The following NELL1 variants were observed in gnomAD, a reference collection of about 807,000 sequenced individuals.
The protein encoded by NELL1 is protein kinase C-binding protein NELL1.
Under a neutral mutation model 107.4 loss-of-function variants are expected in NELL1, and 76 were observed. The ratio of observed to expected loss-of-function variants is 0.71; its 90% CI spans 0.59 to 0.86. The LOEUF (loss-of-function observed/expected upper bound fraction) is 0.86. Ranked by LOEUF, NELL1 falls within the 40% of genes least tolerant of loss-of-function variation. The pLI is 0.00. For synonymous variants in NELL1, 353 were observed against 341.2 expected, an observed-to-expected ratio of 1.03 and a Z score of -0.38; for missense variants, 1,024 against 1,005.5, an observed-to-expected ratio of 1.02 and a Z score of -0.25.
intron 5 of NELL1, among the ~76,000 whole-genome samples, chr11:20,887,303 A>G (rs1454508699): frequency 6.6e-6 from 1 of 152,214 alleles, no homozygotes; most frequent in African/African-American, 2.4e-5. Flanking sequence ...CACTATAAAC[A>G]TTTGCATACA....
intron 2 of NELL1, among the ~76,000 whole-genome samples, chr11:20,708,780 A>T (rs1171425026): frequency 6.6e-6 from 1 of 152,148 alleles, no homozygotes; most frequent in Non-Finnish European, 1.5e-5. Context: ...ATTCTTGGTC[A>T]TGAAGTCCAT....
chr11:20,905,381 C>G (rs1849973252), intron 5 of NELL1, among the ~76,000 whole-genome samples: 1 of 151,904 alleles, frequency 6.6e-6, no homozygotes, highest in African/African-American at 2.4e-5. Context: ...CACAGGCAAA[C>G]AAAGAAAGAG....
chr11:20,983,713 G>C (rs1395000299), intron 12 of NELL1, among the ~76,000 whole-genome samples: 1 of 152,132 alleles, frequency 6.6e-6, no homozygotes, highest in Non-Finnish European at 1.5e-5. Context: ...TCTCAACGTT[G>C]GTGGTGGCCT....
intron 11 of NELL1, among the ~76,000 whole-genome samples, chr11:20,960,040 T>C (rs1017469149): frequency 6.6e-6 from 1 of 152,098 alleles, no homozygotes; most frequent in African/African-American, 2.4e-5. Flanking sequence ...GGAGTTTTGA[T>C]AATCTGGTTG....
At chr11:21,503,443 G>T (rs2133935006) in intron 15 of NELL1, among the ~76,000 whole-genome samples, 1 of 152,196 alleles carries the variant, frequency 6.6e-6, no homozygotes, top group Admixed American at 6.5e-5. Context: ...AAAGAACCAA[G>T]AATTCTGGGT....
chr11:20,921,657 G>C (rs560277281), intron 7 of NELL1, among the ~76,000 whole-genome samples: 1 of 152,188 alleles, frequency 6.6e-6, no homozygotes, highest in African/African-American at 2.4e-5. Context: ...AAAGAGAAAT[G>C]AATGTTTGAT....
chr11:20,720,795 A>G (rs1038049119), intron 2 of NELL1, among the ~76,000 whole-genome samples: 1 of 152,132 alleles, frequency 6.6e-6, no homozygotes, highest in Non-Finnish European at 1.5e-5. Context: ...GATACCAGTC[A>G]TACTGGGTTA....
At chr11:21,307,746 A>G (rs2133637759) in intron 14 of NELL1, among the ~76,000 whole-genome samples, 1 of 152,114 alleles carries the variant, frequency 6.6e-6, no homozygotes, top group Middle Eastern at 3.4e-3. Context: ...GATAACAGGC[A>G]AAATTTATTT....
intron 3 of NELL1, among the ~76,000 whole-genome samples, chr11:20,808,330 G>T (rs1247458246): frequency 1.3e-5 from 2 of 152,118 alleles, no homozygotes; most frequent in Admixed American, 1.3e-4. Context: ...CTGGAATGGG[G>T]GCCTCAGGAC....
rs117475528 is a variant in NELL1 at position 21,112,232 on chromosome 11, A to G, written c.1301-1357A>G. Among the ~76,000 whole-genome samples the G allele has an allele frequency of 5.4e-3, 823 of 152,192 alleles. 13 individuals carry two copies. Among genetic ancestry groups the G allele is most frequent in the East Asian group, 0.039 (202 of 5,164 alleles). On this transcript the variant is annotated intron_variant, in intron 12 of 19. Coordinates refer to ENST00000357134, the MANE Select transcript of NELL1 (RefSeq NM_006157.5). ...CTTCTTAGATCTCAATGACCTCGCA[A>G]TAACTTTTATTTATAGGCTGTCAGA...
intron 12 of NELL1, among the ~76,000 whole-genome samples, chr11:20,969,072 C>T (rs1260290604): frequency 6.6e-6 from 1 of 152,088 alleles, no homozygotes; most frequent in Non-Finnish European, 1.5e-5. Flanking sequence ...TTATTTATTT[C>T]CTTTTTCCCA....
chr11:21,554,763 T>C (rs1430463995), intron 16 of NELL1, among the ~76,000 whole-genome samples: 1 of 151,824 alleles, frequency 6.6e-6, no homozygotes, highest in East Asian at 1.9e-4. Context: ...CTCAGAGATG[T>C]TAGGTAAATT....
intron 15 of NELL1, among the ~76,000 whole-genome samples, chr11:21,408,919 A>C (rs1176207034): frequency 1.3e-5 from 2 of 151,994 alleles, no homozygotes; most frequent in Admixed American, 1.3e-4. Context: ...ATCATTAAAA[A>C]GTCAGGAAAC....
At chr11:21,191,081 G>A (rs558349230) in intron 13 of NELL1, among the ~76,000 whole-genome samples, 1 of 151,958 alleles carries the variant, frequency 6.6e-6, no homozygotes, top group South Asian at 2.1e-4. Context: ...ATGTGTTACT[G>A]TGGTAGGCAA....
chr11:20,919,925 A>T (rs188034074), intron 7 of NELL1, among the ~76,000 whole-genome samples: 7 of 152,092 alleles, frequency 4.6e-5, no homozygotes, highest in African/African-American at 1.7e-4. Context: ...TCTTTTGAGG[A>T]CCTGCCGTTT....
chr11:21,079,591 T>C (rs896449079), intron 12 of NELL1, among the ~76,000 whole-genome samples: 2 of 151,948 alleles, frequency 1.3e-5, no homozygotes, highest in African/African-American at 2.4e-5. Flanking sequence ...CTGAGAAACG[T>C]CTAGTAAAGT....
chr11:21,240,942 A>AG (rs1858341691), intron 14 of NELL1, among the ~76,000 whole-genome samples: 1 of 152,030 alleles, frequency 6.6e-6, no homozygotes, highest in East Asian at 1.9e-4. Flanking sequence ...TGGAAATCTG[A>AG]CACTTAGACA....
chr11:21,214,495 T>C (rs1857570857), intron 13 of NELL1, among the ~76,000 whole-genome samples: 1 of 152,184 alleles, frequency 6.6e-6, no homozygotes, highest in South Asian at 2.1e-4. Flanking sequence ...AATGCATTAT[T>C]TCTATACACC....
intron 15 of NELL1, among the ~76,000 whole-genome samples, chr11:21,493,932 A>G (rs1192503973): frequency 6.6e-6 from 1 of 151,552 alleles, no homozygotes; most frequent in African/African-American, 2.4e-5. Context: ...ATCACAATTT[A>G]CTCCTTTCCC....
Sources: gnomAD v4.1 joint callset for allele counts (sites outside exome capture counted in the v4.1 genomes callset) on GRCh38, gnomAD v4.1.1 for gene constraint, MANE v1.5 for transcripts, NCBI Gene and HGNC (gene_info 2026-07-23, HGNC 2026-07-21) for gene names.